The following OR51B5 variants were observed in gnomAD, a reference collection of about 807,000 sequenced individuals.
OR51B5 encodes olfactory receptor 51B5.
For synonymous variants in OR51B5, 186 were observed against 144.8 expected (o/e 1.28, Z -2.04); for missense variants, 456 against 374.6 (o/e 1.22, Z -1.79).
chr11:5,352,340 A>T (rs1230534291), intron 1 of OR51B5: 1 of 1,613,806 alleles, frequency 6.2e-7, no homozygotes. Context: ...AGCTACATCC[A>T]CTTCCTTTTC....
intron 1 of OR51B5, among the ~76,000 whole-genome samples, chr11:5,384,179 G>T (rs1046135522): frequency 6.6e-6 from 1 of 151,714 alleles, no homozygotes; most frequent in Admixed American, 6.6e-5. Flanking sequence ...TTGTTTCTTT[G>T]TTTGTTGTTT....
chr11:5,502,951 G>T (rs1846317120), intron 1 of OR51B5, among the ~76,000 whole-genome samples: 1 of 152,114 alleles, frequency 6.6e-6, no homozygotes. Context: ...CATACAATAT[G>T]TGCAGGAAAT....
At chr11:5,476,952 G>C (rs898675798) in intron 1 of OR51B5, among the ~76,000 whole-genome samples, 1 of 152,164 alleles carries the variant, frequency 6.6e-6, no homozygotes, top group African/African-American at 2.4e-5. Context: ...CAAAGTTTCC[G>C]TTATACAAGA....
chr11:5,497,886 G>GTAAGT (rs1851672182), intron 1 of OR51B5, among the ~76,000 whole-genome samples: 1 of 152,142 alleles, frequency 6.6e-6, no homozygotes, highest in African/African-American at 2.4e-5. Context: ...GCATAGGTAT[G>GTAAGT]ACATCACATT....
chr11:5,395,528 T>A (rs980490435), intron 1 of OR51B5, among the ~76,000 whole-genome samples: 1 of 152,162 alleles, frequency 6.6e-6, no homozygotes, highest in Admixed American at 6.5e-5. Flanking sequence ...GGAAGACAGA[T>A]CTGGACTTGT....
At chr11:5,362,732 G>C in intron 1 of OR51B5, 1 of 223,838 alleles carries the variant, frequency 4.5e-6, no homozygotes. Context: ...CTTTGTTTAC[G>C]AGGTCACCTC....
chr11:5,343,605 A>G (rs1454803631), upstream of OR51B5: 3 of 588,168 alleles, frequency 5.1e-6, no homozygotes, highest in East Asian at 8.4e-5. Flanking sequence ...TATCACTTCG[A>G]CTATATCATT....
intron 1 of OR51B5, among the ~76,000 whole-genome samples, chr11:5,374,164 C>T (rs562115290): frequency 2.0e-5 from 3 of 152,266 alleles, no homozygotes; most frequent in East Asian, 3.9e-4. Flanking sequence ...CAGCAGCATT[C>T]GCGGATCACG....
intron 1 of OR51B5, chr11:5,390,569 C>T (rs975142111): frequency 4.2e-5 from 23 of 549,466 alleles, no homozygotes; most frequent in Admixed American, 6.6e-5. Context: ...TTTAATGGCT[C>T]CTCCTACAGC....
intron 1 of OR51B5, among the ~76,000 whole-genome samples, chr11:5,375,290 T>C (rs1257068050): frequency 6.6e-6 from 1 of 151,254 alleles, no homozygotes; most frequent in African/African-American, 2.4e-5. Context: ...TGCTGAGAGA[T>C]TTTGTCATCA....
chr11:5,442,645 A>G (rs899935277), intron 1 of OR51B5, among the ~76,000 whole-genome samples: 1 of 152,182 alleles, frequency 6.6e-6, no homozygotes, highest in African/African-American at 2.4e-5. Context: ...CTTGTATTTT[A>G]TCATTATTAT....
intron 1 of OR51B5, among the ~76,000 whole-genome samples, chr11:5,356,439 A>T (rs1395126531): frequency 6.7e-6 from 1 of 150,366 alleles, no homozygotes; most frequent in Non-Finnish European, 1.5e-5. Flanking sequence ...AAGAATAAAA[A>T]GAAATGAACA....
At chr11:5,423,291 GA>G in intron 1 of OR51B5, 1 of 1,193,320 alleles carries the variant, frequency 8.4e-7, no homozygotes, top group Non-Finnish European at 1.1e-6. Context: ...TTTTAGCATG[GA>G]ATTTTTGGCT....
chr11:5,402,998 G>T (rs539366001), intron 1 of OR51B5: 1 of 471,452 alleles, frequency 2.1e-6, no homozygotes, highest in South Asian at 1.5e-5. Flanking sequence ...AGCCCACTGA[G>T]CTACACAGCT....
intron 1 of OR51B5, among the ~76,000 whole-genome samples, chr11:5,360,340 A>G (rs891695616): frequency 3.9e-5 from 6 of 152,110 alleles, no homozygotes; most frequent in Non-Finnish European, 8.8e-5. Flanking sequence ...GGATATGAAC[A>G]GACACTTCTC....
intron 1 of OR51B5, among the ~76,000 whole-genome samples, chr11:5,459,932 T>A (rs190469520): frequency 2.6e-4 from 39 of 152,296 alleles, no homozygotes; most frequent in Non-Finnish European, 2.9e-5. Flanking sequence ...CATGTGTATG[T>A]TCACTGCAGC....
intron 1 of OR51B5, chr11:5,489,853 T>C: frequency 5.3e-6 from 3 of 571,210 alleles, no homozygotes; most frequent in Non-Finnish European, 3.1e-6. Flanking sequence ...TGAGGCTCCT[T>C]GGGGAACTCT....
chr11:5,397,156 T>C (rs1242411451), intron 1 of OR51B5, among the ~76,000 whole-genome samples: 1 of 152,218 alleles, frequency 6.6e-6, no homozygotes. Flanking sequence ...ATGGACTTCA[T>C]GTCTAAAACA....
chr11:5,390,038 G>T, intron 1 of OR51B5: 2 of 1,613,628 alleles, frequency 1.2e-6, no homozygotes, highest in South Asian at 2.2e-5. Context: ...TGGACTGATG[G>T]TGGTAGTTTT....
Sources: gnomAD v4.1 joint callset for allele counts (sites outside exome capture counted in the v4.1 genomes callset) on GRCh38, gnomAD v4.1.1 for gene constraint, MANE v1.5 for transcripts, NCBI Gene and HGNC (gene_info 2026-07-23, HGNC 2026-07-21) for gene names.